Variants in AK9 observed in about 807,000 individuals in gnomAD.
AK9 encodes adenylate kinase 9.
Under a neutral mutation model 239.6 loss-of-function variants are expected in AK9, and 191 were observed. The observed-to-expected ratio is 0.80, with a 90% CI of 0.71 to 0.90. The LOEUF (loss-of-function observed/expected upper bound fraction) is 0.90. AK9 is among the 40% of genes least tolerant of loss of function. AK9 has a pLI of 0.00. For synonymous variants in AK9, 689 were observed against 721.0 expected (o/e 0.96, Z 0.71); for missense variants, 1,995 against 2,214.7 (o/e 0.90, Z 1.99).
intron 8 of AK9, among the ~76,000 whole-genome samples, chr6:109,648,142 G>C (rs7740192): frequency 0.086 from 13,014 of 152,114 alleles, 904 homozygotes; most frequent in African/African-American, 0.19. Context: ...AAGCAGGCAA[G>C]ATCTAAAATT....
At chr6:109,644,544 GA>G (rs1583396668) in intron 9 of AK9, 69 bp downstream of exon 9, 2 of 1,297,742 alleles carry the variant, frequency 1.5e-6, no homozygotes, top group East Asian at 4.9e-5. Flanking sequence ...TTTATTAAAA[GA>G]AGTACAATAC....
chr6:109,511,658 C>T (rs1197221227), intron 32 of AK9, among the ~76,000 whole-genome samples: 2 of 152,148 alleles, frequency 1.3e-5, no homozygotes, highest in South Asian at 4.1e-4. Context: ...CAGAACCCTA[C>T]TCATCCCATA....
chr6:109,535,241 A>G (rs1201420226), intron 27 of AK9, among the ~76,000 whole-genome samples: 1 of 152,152 alleles, frequency 6.6e-6, no homozygotes, highest in Non-Finnish European at 1.5e-5. Flanking sequence ...AAGCATTCCT[A>G]TTTCTCCACA....
At position 109,656,072 on chromosome 6, in the gene AK9, C is replaced by T. The variant is rs78463409; in HGVS notation, c.759+684G>A. Among the ~76,000 whole-genome samples the T allele has an allele frequency of 2.0e-3, 301 of 152,280 alleles. 3 individuals are homozygous for T. Among genetic ancestry groups the T allele is most frequent in the East Asian group, 7.3e-3 (38 of 5,184 alleles). On this transcript the variant is annotated intron_variant, in intron 8 of 40. Transcript: ENST00000424296. ...AATTGGAGGACTGTGTTTTATTTGTCTTCACAGTTCTGTTGCTTAGCATAG... is the reference window on the plus strand; with the variant it reads ...AATTGGAGGACTGTGTTTTATTTGTTTTCACAGTTCTGTTGCTTAGCATAG...
chr6:109,497,356 A>ACTCTCT lies in AK9; in HGVS notation c.5315+108_5315+109insAGAGAG, dbSNP rs1439292179. ...CACACACACACACACACACACACAC[A>ACTCTCT]CACACACTCTCTCTCTCTCTCTCTC... is the stretch of plus-strand genomic sequence containing the variant. On this transcript the variant is annotated intron_variant, in intron 38 of 40. Coordinates refer to ENST00000424296, the MANE Select transcript of AK9 (RefSeq NM_001145128.3). 1.2e-3 allele frequency: 675 copies of ACTCTCT among 580,212 alleles called. 1 individual carries two copies. Among genetic ancestry groups the ACTCTCT allele is most frequent in the East Asian group, 5.6e-3 (138 of 24,668 alleles). The allele number at this position is 580,212 out of a possible 1,614,324, so 35.9% of individuals were successfully genotyped here.
At chr6:109,540,290 G>T (rs1782685727) in intron 27 of AK9, among the ~76,000 whole-genome samples, 1 of 152,198 alleles carries the variant, frequency 6.6e-6, no homozygotes, top group Admixed American at 6.5e-5. Flanking sequence ...ACCTACTGCA[G>T]CCTCAGCAAT....
intron 17 of AK9, among the ~76,000 whole-genome samples, chr6:109,605,353 C>T (rs1792699297): frequency 6.6e-6 from 1 of 152,176 alleles, no homozygotes; most frequent in Non-Finnish European, 1.5e-5. Context: ...TGAAGCCAAA[C>T]TCATTTGTCA....
chr6:109,690,112 C>G (rs1774117812), intron 1 of AK9, among the ~76,000 whole-genome samples: 1 of 152,060 alleles, frequency 6.6e-6, no homozygotes, highest in Non-Finnish European at 1.5e-5. Flanking sequence ...TCTGGGTATG[C>G]TATAATTCTA....
At chr6:109,647,784 A>C (rs1798288826) in intron 8 of AK9, among the ~76,000 whole-genome samples, 1 of 121,256 alleles carries the variant, frequency 8.2e-6, no homozygotes, top group African/African-American at 2.6e-5. Context: ...AACAGAATAT[A>C]CATTCTTCTC....
intron 17 of AK9, among the ~76,000 whole-genome samples, chr6:109,589,198 C>A (rs910203891): frequency 3.9e-5 from 6 of 152,120 alleles, no homozygotes; most frequent in Non-Finnish European, 2.9e-5. Context: ...ATTTATTCTT[C>A]TGATCCATGA....
At chr6:109,686,277 TA>T (rs1773497974) in intron 1 of AK9, among the ~76,000 whole-genome samples, 1 of 152,248 alleles carries the variant, frequency 6.6e-6, no homozygotes, top group East Asian at 1.9e-4. Flanking sequence ...AAGTGAGAGA[TA>T]AACCTACAAA....
intron 12 of AK9, 61 bp downstream of exon 12, chr6:109,632,860 GAC>G (rs149315041): frequency 0.038 from 31,788 of 844,862 alleles, 480 homozygotes; most frequent in Non-Finnish European, 0.04. Context: ...ATGACAGATA[GAC>G]ATAGATAGAT....
intron 1 of AK9, among the ~76,000 whole-genome samples, chr6:109,684,198 G>A (rs1322552059): frequency 6.6e-6 from 1 of 152,090 alleles, no homozygotes; most frequent in East Asian, 1.9e-4. Context: ...TAGTCAAATG[G>A]AGAAAACTGA....
chr6:109,615,951 T>C (rs1207018516), intron 13 of AK9, among the ~76,000 whole-genome samples: 1 of 151,622 alleles, frequency 6.6e-6, no homozygotes, highest in African/African-American at 2.4e-5. Flanking sequence ...ATAAGAATAA[T>C]GAAACTAGGC....
At chr6:109,602,718 G>A (rs1455102602) in intron 17 of AK9, among the ~76,000 whole-genome samples, 7 of 152,118 alleles carry the variant, frequency 4.6e-5, no homozygotes, top group South Asian at 4.1e-4. Context: ...CCAATCAGAC[G>A]TAGATTTGGT....
chr6:109,513,848 G>T (rs963625117), intron 32 of AK9, among the ~76,000 whole-genome samples: 14 of 152,156 alleles, frequency 9.2e-5, no homozygotes, highest in Non-Finnish European at 2.1e-4. Flanking sequence ...TAAGGCTATT[G>T]TTAAGGAATT....
chr6:109,546,002 T>C lies in AK9; in HGVS notation c.3090A>G (p.Leu1030=), dbSNP rs1334835563. The change falls in exon 26 of 41, where the codon CTA becomes CTG. Residue 1030 remains leucine, a synonymous_variant. Transcript: ENST00000424296. ...IQFEEVLQEK[L]LLKTEKKVGP... ...CCACTTTCTTTTCAGTTTTGAGTAG[T>C]AGTTTTTCTTGAAGAACTTCTTCAA... The C allele has an allele frequency of 8.7e-6, 14 of 1,614,148 alleles. No homozygotes were observed. In the South Asian group the frequency reaches 1.4e-4, roughly 16 times the overall value.
At chr6:109,530,621 C>T (rs1781105613) in intron 28 of AK9, among the ~76,000 whole-genome samples, 1 of 152,186 alleles carries the variant, frequency 6.6e-6, no homozygotes, top group African/African-American at 2.4e-5. Flanking sequence ...GCTCCTTTCA[C>T]TCAAATAGTC....
In AK9 at chr6:109,495,404, G is replaced by A; in HGVS notation, c.5352C>T (p.His1784=). ...PLKYWEQKLP[H]KLPPLREPIL... ...TCGGTTCCCTTAATGGGGGAAGCTT[G>A]TGTGGAAGCTTCTGTTCCCAGTATT... is the stretch of plus-strand genomic sequence containing the variant. Residue 1784 remains histidine (H), a synonymous_variant, in exon 39 of 41, where the codon CAC becomes CAT. Coordinates refer to ENST00000424296, the MANE Select transcript of AK9 (RefSeq NM_001145128.3). 6.2e-7 allele frequency: 1 copy of A among 1,613,852 alleles called. No homozygotes were observed. Among genetic ancestry groups the A allele is most frequent in the Non-Finnish European group, 8.5e-7 (1 of 1,179,912 alleles).
Sources: allele counts gnomAD v4.1 joint callset (sites outside exome capture counted in the v4.1 genomes callset), GRCh38; gene constraint gnomAD v4.1.1; transcripts MANE v1.5; gene names NCBI Gene and HGNC (gene_info 2026-07-23, HGNC 2026-07-21).